NR3C2: variants seen among roughly 807,000 people sequenced by gnomAD.
NR3C2 encodes the protein nuclear receptor subfamily 3 group C member 2, also known as mineralocorticoid receptor.
Under a neutral mutation model 86.4 loss-of-function variants are expected in NR3C2, and 15 were observed. The observed-to-expected ratio is 0.17, with a 90% CI of 0.12 to 0.27. The LOEUF (loss-of-function observed/expected upper bound fraction) is 0.27, where lower values mean the gene tolerates loss of function less well. Ranked by LOEUF, NR3C2 falls within the 10% of genes least tolerant of loss-of-function variation. The pLI is 1.00. For missense variants in NR3C2, 960 were observed against 1,195.6 expected, an observed-to-expected ratio of 0.80 and a Z score of 2.91; for synonymous variants, 458 against 450.5, an observed-to-expected ratio of 1.02 and a Z score of -0.21.
chr4:148,434,836 G>A (rs551359578), intron 2 of NR3C2, among the ~76,000 whole-genome samples: 8 of 152,178 alleles, frequency 5.3e-5, no homozygotes, highest in Admixed American at 2.0e-4. Flanking sequence ...TAAATTTTCC[G>A]AACACCTAAA....
At chr4:148,085,538 C>T (rs530707225) in intron 8 of NR3C2, among the ~76,000 whole-genome samples, 42 of 152,210 alleles carry the variant, frequency 2.8e-4, no homozygotes, top group Non-Finnish European at 5.3e-4. Flanking sequence ...CAGGAGACAG[C>T]AGGAAGGATC....
chr4:148,422,794 G>A (rs547502144), intron 2 of NR3C2, among the ~76,000 whole-genome samples: 1 of 152,030 alleles, frequency 6.6e-6, no homozygotes, highest in Non-Finnish European at 1.5e-5. Flanking sequence ...TTTTTCTGTA[G>A]TCTAATAAAA....
intron 3 of NR3C2, among the ~76,000 whole-genome samples, chr4:148,204,027 C>T (rs1736872657): frequency 6.6e-6 from 1 of 152,014 alleles, no homozygotes; most frequent in Non-Finnish European, 1.5e-5. Context: ...AAGAGTTCTT[C>T]CCATGTGGAT....
intron 3 of NR3C2, among the ~76,000 whole-genome samples, chr4:148,250,983 C>T (rs1017211117): frequency 2.0e-5 from 3 of 151,904 alleles, no homozygotes; most frequent in South Asian, 2.1e-4. Context: ...CAGGGTATTA[C>T]TTTGTTGCCC....
intron 2 of NR3C2, 115 bp from the exon 3 acceptor site, chr4:148,260,232 T>A: frequency 7.8e-7 from 1 of 1,282,754 alleles, no homozygotes. Flanking sequence ...ATTCAGTGTG[T>A]AATGACCACA....
intron 2 of NR3C2, among the ~76,000 whole-genome samples, chr4:148,300,597 T>TTC (rs1181741736): frequency 2.0e-5 from 3 of 151,086 alleles, no homozygotes; most frequent in Admixed American, 1.3e-4. Context: ...CATTTTTTTT[T>TTC]TTTTTTTTTG....
At position 148,152,299 on chromosome 4, in the gene NR3C2, T is replaced by C. The variant is rs1734137939; in HGVS notation, c.2510+170A>G. ...CACTCAGAAGCATACAGTATAATGT[T>C]GCAAAGAGTAATTTTTTAAGTTCCC... On this transcript the variant is annotated intron_variant, in intron 6 of 8. Transcript: ENST00000358102. 9.3e-6 allele frequency: 6 copies of C among 642,548 alleles called. No homozygotes were observed. The South Asian group carries it at 1.1e-4, about 12-fold the overall frequency. 39.8% of individuals were successfully genotyped at this position (642,548 alleles called of 1,614,324 possible).
intron 3 of NR3C2, among the ~76,000 whole-genome samples, chr4:148,253,526 C>T (rs1010956663): frequency 6.6e-6 from 1 of 152,190 alleles, no homozygotes; most frequent in African/African-American, 2.4e-5. Flanking sequence ...CCTGCTCTGT[C>T]TCTCTGAATA....
intron 2 of NR3C2, among the ~76,000 whole-genome samples, chr4:148,316,736 T>C (rs1314227895): frequency 6.6e-6 from 1 of 152,178 alleles, no homozygotes; most frequent in East Asian, 1.9e-4. Flanking sequence ...CATTTTGGTT[T>C]TGAACATTCC....
chr4:148,335,225 T>C (rs1744421917), intron 2 of NR3C2, among the ~76,000 whole-genome samples: 1 of 152,212 alleles, frequency 6.6e-6, no homozygotes, highest in South Asian at 2.1e-4. Context: ...TTCTAATTCT[T>C]TCCCATTATA....
At chr4:148,239,373 C>A (rs937945179) in intron 3 of NR3C2, among the ~76,000 whole-genome samples, 12 of 152,226 alleles carry the variant, frequency 7.9e-5, no homozygotes, top group African/African-American at 2.4e-4. Flanking sequence ...CTATGCAAGG[C>A]ATGGAGTCTT....
chr4:148,187,835 G>C (rs1736003354), intron 4 of NR3C2, among the ~76,000 whole-genome samples: 1 of 152,162 alleles, frequency 6.6e-6, no homozygotes, highest in African/African-American at 2.4e-5. Context: ...TTATCCTCTA[G>C]AATTTTCATA....
chr4:148,372,177 A>G (rs1251520456), intron 2 of NR3C2, among the ~76,000 whole-genome samples: 2 of 152,198 alleles, frequency 1.3e-5, no homozygotes, highest in Non-Finnish European at 2.9e-5. Flanking sequence ...TTGGTCAAAC[A>G]TAATAACATT....
intron 2 of NR3C2, among the ~76,000 whole-genome samples, chr4:148,272,809 C>A (rs1740756552): frequency 6.6e-6 from 1 of 151,928 alleles, no homozygotes; most frequent in African/African-American, 2.4e-5. Flanking sequence ...AAATGGGATA[C>A]ATATCAAAGC....
chr4:148,139,809 GA>G (rs1733526766), intron 6 of NR3C2, among the ~76,000 whole-genome samples: 1 of 152,100 alleles, frequency 6.6e-6, no homozygotes, highest in African/African-American at 2.4e-5. Flanking sequence ...AGAACCCAGG[GA>G]AAATTAAACA....
rs576861491 is a variant in NR3C2, at chr4:148,124,821, C to T, written c.2511-4533G>A. ...GCATTCCTAGGTGATTTTCTCAGAT[C>T]TCTTTTCCATATAATCTACCATTTA... is the stretch of plus-strand genomic sequence containing the variant. On this transcript the variant is annotated intron_variant, in intron 6 of 8. Coordinates refer to ENST00000358102, the MANE Select transcript of NR3C2 (RefSeq NM_000901.5). 3.9e-5 allele frequency among the ~76,000 whole-genome samples: 6 copies of T among 152,208 alleles called. No individual in the cohort carries two copies. The East Asian group carries it at 9.7e-4, about 24-fold the overall frequency.
intron 3 of NR3C2, chr4:148,208,178 CT>C (rs1737101123): frequency 6.6e-6 from 1 of 152,274 alleles, no homozygotes; most frequent in Non-Finnish European, 1.5e-5. Context: ...TGGCAGAGCA[CT>C]GTTCCGGGAG....
At chr4:148,165,899 C>G (rs908860506) in intron 4 of NR3C2, among the ~76,000 whole-genome samples, 7 of 152,100 alleles carry the variant, frequency 4.6e-5, no homozygotes, top group Admixed American at 3.9e-4. Flanking sequence ...CTAGTACTAA[C>G]ATAAAAAAGG....
chr4:148,108,453 G>A lies in NR3C2; in HGVS notation c.2799+5651C>T, dbSNP rs1233998978. On this transcript the variant is annotated intron_variant, in intron 8 of 8. Transcript: ENST00000358102. ...TGACCTAAAGAATGACATCTCCCCA[G>A]TGTGTACATGTAGTATTTTCTGTAC... Among the ~76,000 whole-genome samples the A allele has an allele frequency of 2.0e-5, 3 of 152,142 alleles. No individual in the cohort carries two copies. The East Asian group carries it at 5.8e-4, about 29-fold the overall frequency.
Sources: gnomAD v4.1 joint callset for allele counts (sites outside exome capture counted in the v4.1 genomes callset) on GRCh38, gnomAD v4.1.1 for gene constraint, MANE v1.5 for transcripts, NCBI Gene and HGNC (gene_info 2026-07-23, HGNC 2026-07-21) for gene names.